The following LOC400499 variants were observed in gnomAD, a reference collection of about 807,000 sequenced individuals.
chr16:11,387,563 C>G, the LOC400499 span, among the ~76,000 whole-genome samples: 1 of 152,182 alleles, frequency 6.6e-6, no homozygotes, highest in Admixed American at 6.5e-5. Context: ...GTCATGCCTA[C>G]TCTGCTCCCC....
chr16:11,492,297 CCCATCCACCCACCCATCAT>C, the LOC400499 span, among the ~76,000 whole-genome samples: 27,981 of 135,016 alleles, frequency 0.21, 2,765 homozygotes, highest in African/African-American at 0.25. Flanking sequence ...TATCCATTCA[CCCATCCACCCACCCATCAT>C]CCATCCACCC....
the LOC400499 span, chr16:11,399,522 G>C: frequency 2.5e-6 from 1 of 398,668 alleles, no homozygotes. Context: ...GACACGTTGA[G>C]CTGTTCAACG....
the LOC400499 span, among the ~76,000 whole-genome samples, chr16:11,478,318 T>G: frequency 1.8e-4 from 27 of 151,798 alleles, no homozygotes; most frequent in Non-Finnish European, 4.0e-4. Flanking sequence ...GTGAGCCACT[T>G]CGCCGAACCA....
chr16:11,378,978 A>T, the LOC400499 span, among the ~76,000 whole-genome samples: 3 of 152,136 alleles, frequency 2.0e-5, no homozygotes, highest in Admixed American at 6.5e-5. Flanking sequence ...AAAGTGAGGT[A>T]TTGGGCCGGG....
At chr16:11,418,834 T>C in the LOC400499 span, among the ~76,000 whole-genome samples, 31 of 152,196 alleles carry the variant, frequency 2.0e-4, no homozygotes, top group Non-Finnish European at 1.0e-4. Context: ...CTGTGAGATG[T>C]AATTCCCTCC....
At chr16:11,479,279 T>C in the LOC400499 span, among the ~76,000 whole-genome samples, 1 of 152,168 alleles carries the variant, frequency 6.6e-6, no homozygotes, top group Admixed American at 6.5e-5. Context: ...GTGTATGTTT[T>C]CATGAAGGTT....
the LOC400499 span, chr16:11,392,721 G>C: frequency 1.0e-6 from 1 of 953,770 alleles, no homozygotes; most frequent in Non-Finnish European, 1.2e-6. Context: ...ATGCCATAAG[G>C]CTTCAGGGGG....
the LOC400499 span, among the ~76,000 whole-genome samples, chr16:11,389,247 C>A: frequency 1.3e-5 from 2 of 152,184 alleles, no homozygotes; most frequent in South Asian, 2.1e-4. Context: ...ATCCACCCCC[C>A]CATCTCACCG....
At chr16:11,393,611 G>A in the LOC400499 span, 38 of 1,224,086 alleles carry the variant, frequency 3.1e-5, no homozygotes, top group Non-Finnish European at 3.7e-5. Context: ...CCTGTCCCTG[G>A]TCTCTCCCCT....
At chr16:11,457,116 G>A in the LOC400499 span, 3 of 1,395,422 alleles carry the variant, frequency 2.1e-6, no homozygotes, top group South Asian at 4.3e-5. Flanking sequence ...GGAAGTTGAG[G>A]CAGCAGCGAG....
the LOC400499 span, among the ~76,000 whole-genome samples, chr16:11,400,060 G>GA: frequency 4.7e-4 from 68 of 146,118 alleles, 1 homozygote; most frequent in East Asian, 2.4e-3. Context: ...GCATTTAAAT[G>GA]AAAAAAAAAA....
chr16:11,497,310 G>A, the LOC400499 span, among the ~76,000 whole-genome samples: 1 of 152,214 alleles, frequency 6.6e-6, no homozygotes, highest in Non-Finnish European at 1.5e-5. Flanking sequence ...GGTGTGTGGA[G>A]CCTGGAAAAA....
chr16:11,456,913 C>A, the LOC400499 span: 3 of 1,536,298 alleles, frequency 2.0e-6, no homozygotes, highest in Non-Finnish European at 1.7e-6. Context: ...CCGCCTGCCA[C>A]AAACAGCGGC....
chr16:11,463,614 G>A, the LOC400499 span, among the ~76,000 whole-genome samples: 1 of 152,190 alleles, frequency 6.6e-6, no homozygotes, highest in South Asian at 2.1e-4. Flanking sequence ...GCATGTATAT[G>A]AATGTATGCA....
chr16:11,446,531 C>A, the LOC400499 span: 1 of 1,535,102 alleles, frequency 6.5e-7, no homozygotes, highest in African/African-American at 1.4e-5. Flanking sequence ...GCAAAAGTCT[C>A]TGGGGTCTCT....
At chr16:11,457,506 T>A in the LOC400499 span, among the ~76,000 whole-genome samples, 1 of 146,354 alleles carries the variant, frequency 6.8e-6, no homozygotes, top group Non-Finnish European at 1.5e-5. Context: ...GGCAGGAGAA[T>A]GGTGTGAATT....
chr16:11,456,395 A>C, the LOC400499 span, among the ~76,000 whole-genome samples: 9 of 151,988 alleles, frequency 5.9e-5, no homozygotes, highest in Admixed American at 5.2e-4. Context: ...CGAGACACAA[A>C]GATCTGCAAA....
At chr16:11,406,176 C>T in the LOC400499 span, among the ~76,000 whole-genome samples, 3 of 152,324 alleles carry the variant, frequency 2.0e-5, no homozygotes, top group Admixed American at 2.0e-4. Context: ...CTCTCACCCT[C>T]CTCCCTTTTG....
the LOC400499 span, among the ~76,000 whole-genome samples, chr16:11,422,468 G>A: frequency 6.6e-6 from 1 of 152,078 alleles, no homozygotes. Flanking sequence ...AAAGGAAAAC[G>A]AAGCAAAGGA....
Sources: gnomAD v4.1 joint callset for allele counts (sites outside exome capture counted in the v4.1 genomes callset) on GRCh38, gnomAD v4.1.1 for gene constraint, MANE v1.5 for transcripts.